TFDP2: variants seen among roughly 807,000 people sequenced by gnomAD.
The protein encoded by TFDP2 is transcription factor Dp-2 (E2F dimerization partner 2).
TFDP2 carries 17 observed loss-of-function variants against 59.3 expected under a neutral mutation model. That is an observed-to-expected ratio of 0.29 (90% CI 0.20 to 0.43). The LOEUF (loss-of-function observed/expected upper bound fraction) is 0.43, where lower values mean the gene tolerates loss of function less well. TFDP2 is among the 20% of genes least tolerant of loss of function. The pLI is 1.00. For missense variants in TFDP2, 391 were observed against 528.8 expected, an observed-to-expected ratio of 0.74 and a Z score of 2.56; for synonymous variants, 180 against 194.7, an observed-to-expected ratio of 0.92 and a Z score of 0.63.
intron 6 of TFDP2, among the ~76,000 whole-genome samples, chr3:141,990,769 T>C (rs1168168500): frequency 6.6e-6 from 1 of 152,166 alleles, no homozygotes; most frequent in Admixed American, 6.5e-5. Context: ...CAATTTAAGA[T>C]GGACTGGGCT....
At position 142,053,493 on chromosome 3, in the gene TFDP2, A is replaced by G. The variant is rs147310458; in HGVS notation, c.82+39568T>C. ...CCATGCTTCCTGTACAGCCTGCAGA[A>G]CCATGAGCCAAAATAAACTTCTTTT... is the stretch of plus-strand genomic sequence containing the variant. On this transcript the variant is annotated intron_variant, in intron 3 of 12. Coordinates refer to ENST00000489671, the MANE Select transcript of TFDP2 (RefSeq NM_001178139.2). 4.3e-3 allele frequency among the ~76,000 whole-genome samples: 656 copies of G among 152,326 alleles called. 4 individuals carry two copies. Among genetic ancestry groups the G allele is most frequent in the African/African-American group, 0.015 (617 of 41,576 alleles).
At chr3:142,045,794 T>A (rs1209006884) in intron 3 of TFDP2, among the ~76,000 whole-genome samples, 68 of 151,522 alleles carry the variant, frequency 4.5e-4, no homozygotes, top group Admixed American at 4.5e-3. Flanking sequence ...TGTACTTTTT[T>A]TTTTTTTTAG....
At position 141,944,748 on chromosome 3, in the gene TFDP2, G is replaced by C. The variant is rs1445033327; in HGVS notation, c.*7765C>G. ...CTTAGTGGAACACTGCTTAGGACTT[G>C]TCTGTTATCTACCAGAAGCAATTTC... On this transcript the variant is annotated 3_prime_UTR_variant, in exon 13 of 13. Coordinates refer to ENST00000489671, the MANE Select transcript of TFDP2 (RefSeq NM_001178139.2). 1 of 152,200 alleles carries C rather than the reference G, an allele frequency of 6.6e-6. No homozygotes were observed. The highest frequency in any genetic ancestry group is 2.4e-5 in the African/African-American group (1 of 41,452). The allele number at this position is 152,200 out of a possible 1,614,324, so 9.4% of individuals were successfully genotyped here.
rs1057128800 is a variant in TFDP2 at position 142,030,788 on chromosome 3, G to A, written c.83-25244C>T. Among the ~76,000 whole-genome samples the A allele has an allele frequency of 1.4e-4, 20 of 144,058 alleles. No individual in the cohort carries two copies. The Admixed American group carries it at 1.4e-3, about 10-fold the overall frequency. 94.5% of individuals were successfully genotyped at this position (144,058 alleles called of 152,430 possible). A position where few individuals can be genotyped will look rare whatever the true frequency, so the allele number is the denominator to read the frequency against. On this transcript the variant is annotated intron_variant, in intron 3 of 12. Coordinates refer to ENST00000489671, the MANE Select transcript of TFDP2 (RefSeq NM_001178139.2). ...GACGGAGTCTCGCTCTGTCGCCCAG[G>A]CTGGAGTGCAGTGGCGCGATCTCGG...
At chr3:142,045,979 T>G (rs187543331) in intron 3 of TFDP2, among the ~76,000 whole-genome samples, 1 of 152,298 alleles carries the variant, frequency 6.6e-6, no homozygotes, top group Non-Finnish European at 1.5e-5. Flanking sequence ...CACATAATAC[T>G]ATGGCTCTCA....
rs1275896386 is a variant in TFDP2 at position 142,069,972 on chromosome 3, C to G, written c.82+23089G>C. On this transcript the variant is annotated intron_variant, in intron 3 of 12. Transcript: ENST00000489671. Reference sequence around the variant, plus strand: ...CCAGGCTGCAGTGCAGTGGCGTGATCTCGGCTCACTGCAACCTCCGTTTCC... The same window carrying G: ...CCAGGCTGCAGTGCAGTGGCGTGATGTCGGCTCACTGCAACCTCCGTTTCC... 2.6e-5 allele frequency among the ~76,000 whole-genome samples: 4 copies of G among 151,902 alleles called. No individual in the cohort carries two copies. The East Asian group carries it at 7.8e-4, about 29-fold the overall frequency.
rs145583058 is a variant in TFDP2 at position 142,120,263 on chromosome 3, G to C, written c.-92-18422C>G. On this transcript the variant is annotated intron_variant, in intron 1 of 12. Transcript: ENST00000489671. ...TGTAGTCCCAGCTACTCCAGAGGCT[G>C]AGGCAGAAGAATGGCGTGAACCCGA... Among the ~76,000 whole-genome samples, 872 of 151,960 alleles carry C rather than the reference G, an allele frequency of 5.7e-3. 8 individuals are homozygous for C. Among genetic ancestry groups the C allele is most frequent in the African/African-American group, 0.02 (812 of 41,404 alleles).
chr3:141,950,518 T>C lies in TFDP2; in HGVS notation c.*1995A>G, dbSNP rs1935836231. 6.6e-6 allele frequency: 1 copy of C among 152,612 alleles called. No individual in the cohort carries two copies. The highest frequency in any genetic ancestry group is 2.1e-4 in the South Asian group (1 of 4,830). 9.5% of individuals were successfully genotyped at this position (152,612 alleles called of 1,614,324 possible). ...GGTTTCCCAAGAACTCTGGCAAGAA[T>C]GTTGCTACTTGGTGAAGGAATGGTT... On this transcript the variant is annotated 3_prime_UTR_variant, in exon 13 of 13. Transcript: ENST00000489671.
Position 141,950,167 on chromosome 3 carries a change from T to C in TFDP2, c.*2346A>G, listed in dbSNP as rs1432198012. The C allele has an allele frequency of 6.6e-6, 1 of 152,160 alleles. No individual in the cohort carries two copies. Among genetic ancestry groups the C allele is most frequent in the Non-Finnish European group, 1.5e-5 (1 of 68,050 alleles). The allele number at this position is 152,160 out of a possible 1,614,324, so 9.4% of individuals were successfully genotyped here. ...GTGAAATTGTGACTCAGTGCTGAGC[T>C]TTAGACCCAGATAAATGTTGAGGGG... On this transcript the variant is annotated 3_prime_UTR_variant, in exon 13 of 13. Transcript: ENST00000489671.
At chr3:142,083,706 T>C (rs2060715406) in intron 3 of TFDP2, among the ~76,000 whole-genome samples, 1 of 152,192 alleles carries the variant, frequency 6.6e-6, no homozygotes, top group Non-Finnish European at 1.5e-5. Context: ...TCCATACACC[T>C]AGAGTGAACT....
intron 1 of TFDP2, among the ~76,000 whole-genome samples, chr3:142,103,907 CAT>C (rs2061393387): frequency 6.7e-6 from 1 of 150,072 alleles, no homozygotes; most frequent in African/African-American, 2.4e-5. Context: ...CTGTTTTTTT[CAT>C]GTGCAGAACA....
chr3:141,991,835 C>T (rs571012886), intron 6 of TFDP2, among the ~76,000 whole-genome samples: 32 of 152,018 alleles, frequency 2.1e-4, no homozygotes, highest in African/African-American at 7.7e-4. Flanking sequence ...TTGAGGTCAG[C>T]AGTTTGAGAC....
At chr3:142,101,653 A>G (rs1410112563) in intron 2 of TFDP2, 82 bp downstream of exon 2, 1 of 912,032 alleles carries the variant, frequency 1.1e-6, no homozygotes, top group East Asian at 2.7e-5. Context: ...AATCTGGTTA[A>G]CCAGAATGGT....
intron 1 of TFDP2, among the ~76,000 whole-genome samples, chr3:142,129,784 TA>T (rs1219409957): frequency 1.3e-5 from 2 of 151,816 alleles, no homozygotes; most frequent in Non-Finnish European, 2.9e-5. Flanking sequence ...ACAAAAAAAT[TA>T]AAACTAGGCA....
At position 141,949,916 on chromosome 3, in the gene TFDP2, T is replaced by A. The variant is rs1412427266; in HGVS notation, c.*2597A>T. 1 of 143,614 alleles carries A rather than the reference T, an allele frequency of 7.0e-6. No homozygotes were observed. 8.9% of individuals were successfully genotyped at this position (143,614 alleles called of 1,614,324 possible). A position where few individuals can be genotyped will look rare whatever the true frequency, so the allele number is the denominator to read the frequency against. On this transcript the variant is annotated 3_prime_UTR_variant, in exon 13 of 13. Transcript: ENST00000489671. ...TCCGCCTCCTGCGCTCAAGCAATCC[T>A]CCCACCTCAGCCTCTTGAGTAGCCA...
At chr3:142,069,811 G>A (rs1219559438) in intron 3 of TFDP2, among the ~76,000 whole-genome samples, 1 of 151,774 alleles carries the variant, frequency 6.6e-6, no homozygotes, top group Non-Finnish European at 1.5e-5. Context: ...GTTTCACCAT[G>A]TTGGCCAGGC....
intron 3 of TFDP2, among the ~76,000 whole-genome samples, chr3:142,019,102 T>C (rs1305543627): frequency 6.6e-6 from 1 of 152,028 alleles, no homozygotes; most frequent in Admixed American, 6.6e-5. Context: ...TTTACTCTTG[T>C]TGCCCAGGCT....
intron 3 of TFDP2, among the ~76,000 whole-genome samples, chr3:142,049,052 A>T (rs573778242): frequency 6.6e-6 from 1 of 152,356 alleles, no homozygotes; most frequent in African/African-American, 2.4e-5. Context: ...AACACAGCAG[A>T]TTTCTTATAA....
Position 141,968,347 on chromosome 3 carries a change from T to TATATATAACATATATCTC in TFDP2, c.732+1708_732+1725dup, listed in dbSNP as rs1424568767. The stretch of plus-strand genomic sequence containing the variant: ...ACATATAATATATATAATATATAAC[T>TATATATAACATATATCTC]ATATATAACATATATCTCATATATA... On this transcript the variant is annotated intron_variant, in intron 9 of 12. Transcript: ENST00000489671. Among the ~76,000 whole-genome samples the TATATATAACATATATCTC allele has an allele frequency of 1.4e-4, 15 of 107,390 alleles. 1 individual carries two copies. Among genetic ancestry groups the TATATATAACATATATCTC allele is most frequent in the South Asian group, 7.5e-4 (3 of 3,974 alleles). 70.5% of individuals were successfully genotyped at this position (107,390 alleles called of 152,430 possible). A position where few individuals can be genotyped will look rare whatever the true frequency, so the allele number is the denominator to read the frequency against.
Sources: gnomAD v4.1 joint callset for allele counts (sites outside exome capture counted in the v4.1 genomes callset) on GRCh38, gnomAD v4.1.1 for gene constraint, MANE v1.5 for transcripts, NCBI Gene and HGNC (gene_info 2026-07-23, HGNC 2026-07-21) for gene names.